Variants in SYBU observed in about 807,000 individuals in gnomAD.
SYBU encodes the protein GOLSYN A protein.
SYBU carries 21 observed loss-of-function variants against 35.9 expected under a neutral mutation model. The observed-to-expected ratio is 0.58, with a 90% CI of 0.41 to 0.84. SYBU has a LOEUF of 0.84. Ranked by LOEUF, SYBU falls within the 40% of genes least tolerant of loss-of-function variation. The probability of loss-of-function intolerance (pLI) is 0.00; values close to 1 mark genes in which losing one functional copy is unlikely to be tolerated. For synonymous variants in SYBU, 319 were observed against 324.3 expected (o/e 0.98, Z 0.18); for missense variants, 768 against 848.2 (o/e 0.91, Z 1.17).
intron 3 of SYBU, chr8:109,608,176 G>A (rs1826261845): frequency 2.1e-6 from 1 of 472,456 alleles, no homozygotes; most frequent in Non-Finnish European, 3.7e-6. Flanking sequence ...CCTGGTGACT[G>A]CAGTGTTCCA....
intron 3 of SYBU, among the ~76,000 whole-genome samples, chr8:109,599,008 C>T (rs779711211): frequency 1.3e-5 from 2 of 152,190 alleles, no homozygotes; most frequent in Non-Finnish European, 2.9e-5. Context: ...AGTATACCTG[C>T]GTGGAACTTC....
chr8:109,650,411 TC>T (rs1312549092), intron 1 of SYBU, among the ~76,000 whole-genome samples: 7 of 152,192 alleles, frequency 4.6e-5, no homozygotes, highest in Non-Finnish European at 8.8e-5. Flanking sequence ...TTTGAGTGTC[TC>T]TTCTCAAAGA....
At chr8:109,576,050 A>AG (rs1822260689) in intron 6 of SYBU, 37 bp from the exon 7 acceptor site, 1 of 1,468,254 alleles carries the variant, frequency 6.8e-7, no homozygotes, top group African/African-American at 1.5e-5. Flanking sequence ...ATTAAAAAAA[A>AG]AAAAAAAAAA....
intron 1 of SYBU, among the ~76,000 whole-genome samples, chr8:109,659,894 C>G (rs904253667): frequency 1.3e-5 from 2 of 151,808 alleles, no homozygotes; most frequent in African/African-American, 4.8e-5. Flanking sequence ...AATTTATTGA[C>G]CAGATCCTAA....
In SYBU at chr8:109,575,131, A is replaced by C. The variant is rs773983767; in HGVS notation, c.1767T>G (p.Gly589=). Residue 589 remains glycine (G), a synonymous_variant, in exon 7 of 7, where the codon GGT becomes GGG. Transcript: ENST00000276646. ...FAACVEERLD[G]VIPLARGGVV... is the part of the protein sequence containing the mutation. ...CGCCCCCGCGAGCCAGTGGGATGAC[A>C]CCATCCAACCTCTCTTCCACGCAGG... 1 of 1,614,088 alleles carries C rather than the reference A, an allele frequency of 6.2e-7. No homozygotes were observed. Among genetic ancestry groups the C allele is most frequent in the Non-Finnish European group, 8.5e-7 (1 of 1,179,958 alleles).
chr8:109,630,186 C>T (rs1292776343), intron 2 of SYBU, among the ~76,000 whole-genome samples: 4 of 147,750 alleles, frequency 2.7e-5, no homozygotes, highest in East Asian at 2.0e-4. Context: ...AAAAACCAAA[C>T]ACCGCATATT....
intron 2 of SYBU, among the ~76,000 whole-genome samples, chr8:109,631,666 T>C (rs1271876423): frequency 1.3e-5 from 2 of 152,106 alleles, no homozygotes; most frequent in African/African-American, 4.8e-5. Context: ...GTAGAATGAG[T>C]AATGAATCTA....
At chr8:109,615,497 G>A (rs1811633929) in intron 3 of SYBU, among the ~76,000 whole-genome samples, 1 of 152,036 alleles carries the variant, frequency 6.6e-6, no homozygotes, top group South Asian at 2.1e-4. Context: ...AGAACTATAG[G>A]TCACGGTGCA....
intron 5 of SYBU, among the ~76,000 whole-genome samples, chr8:109,578,657 A>C (rs1224048007): frequency 6.6e-6 from 1 of 152,210 alleles, no homozygotes; most frequent in Admixed American, 6.5e-5. Flanking sequence ...GAATGTTCTC[A>C]TACAAAATAA....
chr8:109,576,767 C>A (rs1586714701), intron 6 of SYBU, among the ~76,000 whole-genome samples: 1 of 152,200 alleles, frequency 6.6e-6, no homozygotes, highest in East Asian at 1.9e-4. Context: ...TATATAAATT[C>A]TTTCTTATAT....
intron 1 of SYBU, among the ~76,000 whole-genome samples, chr8:109,658,249 G>T (rs918956236): frequency 6.6e-6 from 1 of 152,208 alleles, no homozygotes; most frequent in Middle Eastern, 3.4e-3. Context: ...TTTTCTAACT[G>T]ACTACTTTTA....
rs1207541953 is a variant in SYBU at position 109,575,824 on chromosome 8, A to G, written c.1074T>C (p.Tyr358=). The G allele has an allele frequency of 1.1e-5, 17 of 1,614,096 alleles. No homozygotes were observed. The highest frequency in any genetic ancestry group is 1.6e-4 in the Middle Eastern group (1 of 6,062). Residue 358 remains tyrosine (Y), a synonymous_variant, in exon 7 of 7, where the codon TAT becomes TAC. Coordinates refer to ENST00000276646, the MANE Select transcript of SYBU (RefSeq NM_001099754.2). ...LADKDKGIQK[Y]FVDINIQNKK... ...TGTTTTGGATGTTTATGTCCACAAA[A>G]TATTTCTGAATGCCTTTATCTTTAT...
chr8:109,598,025 G>A (rs1430774517), intron 3 of SYBU, among the ~76,000 whole-genome samples: 4 of 152,178 alleles, frequency 2.6e-5, no homozygotes, highest in African/African-American at 9.7e-5. Context: ...TTTAGGAGCA[G>A]AGGTGACATT....
intron 1 of SYBU, among the ~76,000 whole-genome samples, chr8:109,650,649 T>G (rs567443884): frequency 5.6e-4 from 86 of 152,298 alleles, no homozygotes; most frequent in African/African-American, 2.0e-3. Flanking sequence ...AAAGCTAGCC[T>G]TTGCTGTGTA....
upstream of SYBU, chr8:109,646,646 C>T (rs1452021444): frequency 6.6e-6 from 1 of 152,190 alleles, no homozygotes; most frequent in East Asian, 1.9e-4. Flanking sequence ...AGCCTGGGAT[C>T]ATATACTGTG....
intron 1 of SYBU, among the ~76,000 whole-genome samples, chr8:109,655,068 TA>T (rs1036511738): frequency 2.0e-5 from 3 of 152,206 alleles, no homozygotes; most frequent in African/African-American, 7.2e-5. Flanking sequence ...CAATGCTCAC[TA>T]CCAGTCTCAA....
At chr8:109,576,070 A>AC in intron 6 of SYBU, 57 bp from the exon 7 acceptor site, 1 of 1,299,100 alleles carries the variant, frequency 7.7e-7, no homozygotes. Flanking sequence ...AAAAAAAAAA[A>AC]CTTTCAACTG....
At chr8:109,597,240 T>C (rs542062219) in intron 3 of SYBU, among the ~76,000 whole-genome samples, 1 of 152,282 alleles carries the variant, frequency 6.6e-6, no homozygotes, top group South Asian at 2.1e-4. Context: ...GGGAGAAACC[T>C]CTTGTCCCAA....
At chr8:109,644,060 T>G in intron 1 of SYBU, 1 of 456,378 alleles carries the variant, frequency 2.2e-6, no homozygotes, top group Admixed American at 2.4e-5. Context: ...CCAGGAAGGG[T>G]CACGGCCAAA....
Sources: gnomAD v4.1 joint callset for allele counts (sites outside exome capture counted in the v4.1 genomes callset) on GRCh38, gnomAD v4.1.1 for gene constraint, MANE v1.5 for transcripts, NCBI Gene and HGNC (gene_info 2026-07-23, HGNC 2026-07-21) for gene names.